ASH2L: variants seen among roughly 807,000 people sequenced by gnomAD.
The protein encoded by ASH2L is ASH2 like, histone lysine methyltransferase complex subunit.
In ASH2L, 30 loss-of-function variants were observed where a neutral mutation model predicts 81.1. The observed-to-expected ratio is 0.37, with a 90% CI of 0.28 to 0.50. ASH2L has a LOEUF of 0.50. Ranked by LOEUF, ASH2L falls within the 20% of genes least tolerant of loss-of-function variation. The pLI, the probability that ASH2L is intolerant of heterozygous loss-of-function variation, is 0.95. For synonymous variants in ASH2L, 273 were observed against 279.9 expected (o/e 0.98, Z 0.24); for missense variants, 559 against 792.1 (o/e 0.71, Z 3.53).
chr8:38,110,399 C>A lies in ASH2L; in HGVS notation c.422C>A (p.Thr141Asn), dbSNP rs774953379. The A allele has an allele frequency of 2.9e-5, 46 of 1,613,994 alleles. No individual in the cohort carries two copies. The highest frequency in any genetic ancestry group is 1.5e-4 in the South Asian group (14 of 91,080). The change falls in exon 4 of 16, where the codon ACC becomes AAC. Residue 141 changes from threonine to asparagine, a missense_variant. Thr to Asn is a moderately conservative substitution (Grantham distance 65). Transcript: ENST00000343823. Reference sequence around the variant, plus strand: ...GGCAGATCCTGTCTACCTTTCATGACCAACTACAGTTTTCATTGCAACGTC... The same window carrying A: ...GGCAGATCCTGTCTACCTTTCATGAACAACTACAGTTTTCATTGCAACGTC... ...IDTSSCLPFMTNYSFHCNVCH... is the reference protein window; with the variant it reads ...IDTSSCLPFMNNYSFHCNVCH...
chr8:38,135,313 G>T (rs745630611), intron 13 of ASH2L, among the ~76,000 whole-genome samples: 2 of 152,068 alleles, frequency 1.3e-5, no homozygotes, highest in African/African-American at 4.8e-5. Flanking sequence ...GCTGGATATG[G>T]TGGTGTATGC....
chr8:38,114,212 TA>T lies in ASH2L; in HGVS notation c.609del (p.Lys203AsnfsTer6). ...KDKDIIPFID[K>X]YWECMTTRQR... Reference sequence around the variant, plus strand: ...ATTAGGATATTATACCATTTATTGATAAATACTGGGAGTGCATGACAACCAG... The same window carrying T: ...ATTAGGATATTATACCATTTATTGATAATACTGGGAGTGCATGACAACCAG... On this transcript the variant is annotated frameshift_variant, in exon 6 of 16. Transcript: ENST00000343823. LOFTEE classifies it high-confidence loss of function. 6.3e-7 allele frequency: 1 copy of T among 1,590,456 alleles called. No homozygotes were observed. Among genetic ancestry groups the T allele is most frequent in the Non-Finnish European group, 8.6e-7 (1 of 1,169,430 alleles).
rs1060499744 is a variant in ASH2L at position 38,138,822 on chromosome 8, A to G, written c.1726A>G (p.Ile576Val). Residue 576 changes from isoleucine to valine, a missense_variant, in exon 15 of 16, where the codon ATT (isoleucine) becomes GTT (valine). By Grantham distance (29) the Ile-to-Val change is conservative. Around this residue, in one of 4 missense-constraint regions of ASH2L, gnomAD observed 95 missense variants for 130.7 expected, o/e 0.73. Coordinates refer to ENST00000343823, the MANE Select transcript of ASH2L (RefSeq NM_004674.5). The stretch of plus-strand genomic sequence containing the variant: ...TGAATTGAATTCGCTCCAGGTTTCC[A>G]TTAACTTTGGACCATGCTTCAAGTA... ...ISLYKSCTVS[I>V]NFGPCFKYPP... The G allele has an allele frequency of 6.2e-7, 1 of 1,613,926 alleles. No individual in the cohort carries two copies. The highest frequency in any genetic ancestry group is 1.1e-5 in the South Asian group (1 of 91,026).
chr8:38,117,447 TAC>T (rs1270452299), intron 8 of ASH2L: 1 of 985,326 alleles, frequency 1.0e-6, no homozygotes, highest in East Asian at 1.1e-4. Context: ...CTTCTGTTCT[TAC>T]AGGTGGAGCC....
chr8:38,117,698 A>G (rs1810963725), intron 8 of ASH2L: 1 of 152,812 alleles, frequency 6.5e-6, no homozygotes, highest in South Asian at 2.1e-4. Context: ...CCACTTCTGT[A>G]CTGTTTGCTC....
intron 10 of ASH2L, among the ~76,000 whole-genome samples, chr8:38,124,925 C>T (rs1801772977): frequency 6.6e-6 from 1 of 152,180 alleles, no homozygotes; most frequent in Non-Finnish European, 1.5e-5. Flanking sequence ...CATGTCCAGT[C>T]ATGGTAGAAG....
At chr8:38,126,285 G>C (rs769507482) in intron 10 of ASH2L, among the ~76,000 whole-genome samples, 1 of 152,000 alleles carries the variant, frequency 6.6e-6, no homozygotes, top group African/African-American at 2.4e-5. Context: ...ATTCTTCAAA[G>C]TGTCAAGCTT....
chr8:38,105,896 C>T, intron 1 of ASH2L, 158 bp downstream of exon 1: 1 of 1,458,964 alleles, frequency 6.9e-7, no homozygotes, highest in Non-Finnish European at 9.0e-7. Context: ...CCCTCTCAAG[C>T]ATATCTCGGA....
intron 10 of ASH2L, among the ~76,000 whole-genome samples, chr8:38,122,119 C>T (rs998543966): frequency 6.6e-6 from 1 of 152,008 alleles, no homozygotes; most frequent in African/African-American, 2.4e-5. Flanking sequence ...TACTTTATTT[C>T]AGGGAGTATA....
intron 12 of ASH2L, among the ~76,000 whole-genome samples, chr8:38,129,675 G>A (rs1220989067): frequency 6.6e-6 from 1 of 152,138 alleles, no homozygotes; most frequent in Non-Finnish European, 1.5e-5. Context: ...GGCAACCACT[G>A]TTTTAACTTT....
chr8:38,114,724 T>G, intron 6 of ASH2L, 181 bp from the exon 7 acceptor site: 2 of 567,228 alleles, frequency 3.5e-6, no homozygotes, highest in Middle Eastern at 9.6e-4. Context: ...TGGGCACTCT[T>G]TGTGTTTCTC....
At chr8:38,134,849 A>G (rs903818325) in intron 13 of ASH2L, among the ~76,000 whole-genome samples, 2 of 152,210 alleles carry the variant, frequency 1.3e-5, no homozygotes, top group African/African-American at 4.8e-5. Flanking sequence ...TTTTCTGAAG[A>G]ATTGAAGTGG....
chr8:38,110,888 T>A (rs1810653724), intron 5 of ASH2L, 55 bp downstream of exon 5: 4 of 1,377,518 alleles, frequency 2.9e-6, no homozygotes, highest in South Asian at 1.2e-5. Context: ...GTGGAACTTC[T>A]AAATATACTC....
intron 3 of ASH2L, 86 bp from the exon 4 acceptor site, chr8:38,110,293 T>C: frequency 2.0e-6 from 2 of 1,022,820 alleles, no homozygotes; most frequent in East Asian, 4.8e-5. Context: ...GCCTGAGTGG[T>C]AGAGTGAGAG....
rs1810595256 is a variant in ASH2L, at chr8:38,109,530, C to T, written c.402-849C>T. On this transcript the variant is annotated intron_variant, in intron 3 of 15. Coordinates refer to ENST00000343823, the MANE Select transcript of ASH2L (RefSeq NM_004674.5). ...GCAAGACTAAACTCCTGTGCTTTTC[C>T]TGTCATCTTGTGCAATCACTACCAT... Among the ~76,000 whole-genome samples, 4 of 152,314 alleles carry T rather than the reference C, an allele frequency of 2.6e-5. No homozygotes were observed. In the South Asian group the frequency reaches 8.3e-4, roughly 32 times the overall value.
At chr8:38,126,053 A>AT (rs1801830864) in intron 10 of ASH2L, among the ~76,000 whole-genome samples, 1 of 152,028 alleles carries the variant, frequency 6.6e-6, no homozygotes, top group Admixed American at 6.6e-5. Context: ...AAATAGAAAA[A>AT]TTAGCCAGGC....
At chr8:38,138,617 A>G in intron 14 of ASH2L, 199 bp from the exon 15 acceptor site, 2 of 529,106 alleles carry the variant, frequency 3.8e-6, no homozygotes, top group Admixed American at 7.3e-5. Context: ...ATCAACACAG[A>G]TCTCTTTTAG....
chr8:38,114,105 C>A (rs1810797373), intron 5 of ASH2L, 87 bp from the exon 6 acceptor site: 3 of 783,556 alleles, frequency 3.8e-6, no homozygotes, highest in Non-Finnish European at 6.0e-6. Flanking sequence ...TTGATTCTAA[C>A]AAGATCTTCG....
chr8:38,114,106 A>T (rs1810797483), intron 5 of ASH2L, 86 bp from the exon 6 acceptor site: 1 of 791,736 alleles, frequency 1.3e-6, no homozygotes, highest in Non-Finnish European at 2.0e-6. Flanking sequence ...TGATTCTAAC[A>T]AGATCTTCGA....
Sources: allele counts gnomAD v4.1 joint callset (sites outside exome capture counted in the v4.1 genomes callset), GRCh38; gene constraint gnomAD v4.1.1; regional missense constraint gnomAD v4.1.1; transcripts MANE v1.5; gene names NCBI Gene and HGNC (gene_info 2026-07-23, HGNC 2026-07-21).